CCDC57: variants seen among roughly 807,000 people sequenced by gnomAD.
CCDC57 encodes coiled-coil domain containing 57.
In CCDC57, 118 loss-of-function variants were observed where a neutral mutation model predicts 118.9. The observed-to-expected ratio is 0.99, with a 90% confidence interval of 0.86 to 1.16. The LOEUF (loss-of-function observed/expected upper bound fraction) is 1.16, where lower values mean the gene tolerates loss of function less well. Among genes scored for constraint, CCDC57 ranks in the 50% most tolerant of loss-of-function variants. The probability of loss-of-function intolerance (pLI) is 0.00; values close to 1 mark genes in which losing one functional copy is unlikely to be tolerated. For missense variants in CCDC57, 1,300 were observed against 1,320.7 expected (o/e 0.98, Z 0.24); for synonymous variants, 527 against 532.9 (o/e 0.99, Z 0.15).
intron 19 of CCDC57, chr17:82,126,707 G>A (rs1389619753): frequency 2.0e-6 from 2 of 985,330 alleles, no homozygotes; most frequent in East Asian, 2.3e-4. Context: ...TGGCACGCGG[G>A]CAGCCTTGAC....
At chr17:82,193,588 A>C (rs1023718945) in intron 7 of CCDC57, among the ~76,000 whole-genome samples, 168 bp downstream of exon 6, 6 of 151,860 alleles carry the variant, frequency 4.0e-5, no homozygotes, top group African/African-American at 9.7e-5. Flanking sequence ...AGCAAGCAAG[A>C]AAGAAAGGAA....
chr17:82,101,784 G>A, exon 20 of CCDC57: 1 of 1,608,610 alleles, frequency 6.2e-7, no homozygotes, highest in Non-Finnish European at 8.5e-7. Context: ...CCTTTGCCTG[G>A]GCTGCTGTCT....
chr17:82,145,542 CA>C (rs1295708627), intron 16 of CCDC57, among the ~76,000 whole-genome samples: 36 of 143,944 alleles, frequency 2.5e-4, no homozygotes, highest in Admixed American at 4.1e-4. Context: ...GATTCTGTCT[CA>C]AAAAAAAAAA....
At chr17:82,101,910 G>A in intron 19 of CCDC57, 44 bp from the exon 19 acceptor site, 2 of 1,506,704 alleles carry the variant, frequency 1.3e-6, no homozygotes, top group Non-Finnish European at 1.8e-6. Context: ...AGGATGGCAG[G>A]GGGAGCAGGA....
At position 82,212,445 on chromosome 17, in the gene CCDC57, G is replaced by GGC. The variant is rs2050238890; in HGVS notation, c.-211+338_-211+339dup. 6.8e-6 allele frequency among the ~76,000 whole-genome samples: 1 copy of GGC among 146,928 alleles called. No individual in the cohort carries two copies. Among genetic ancestry groups the GGC allele is most frequent in the African/African-American group, 2.5e-5 (1 of 39,652 alleles). On this transcript the variant is annotated intron_variant, in intron 1 of 19. Transcript: ENST00000665763. The surrounding 1 kb of genome is among the most constrained non-coding windows in gnomAD (Gnocchi z 4.1). ...CTCACAGACACTGTAAGGCTGCCTG[G>GGC]GCGCGGAGCCGTCCTTGCCGGCGGC...
At position 82,127,676 on chromosome 17, in the gene CCDC57, G is replaced by C. The variant is rs1306955049; in HGVS notation, c.2899+16C>G. On this transcript the variant is annotated intron_variant, in intron 19 of 19. Transcript: ENST00000665763. ...CTGCCAGCTGTGGGCAGCTCCTGGG[G>C]AGGGCAGTCTCCTACCTGGAGTTGA... 5 of 1,583,884 alleles carry C rather than the reference G, an allele frequency of 3.2e-6. No homozygotes were observed. Among genetic ancestry groups the C allele is most frequent in the Non-Finnish European group, 4.3e-6 (5 of 1,165,180 alleles).
At chr17:82,132,763 T>TTTC (rs1358759647) in intron 17 of CCDC57, among the ~76,000 whole-genome samples, 2 of 146,948 alleles carry the variant, frequency 1.4e-5, no homozygotes, top group East Asian at 4.0e-4. Context: ...ACCTTGCTTT[T>TTTC]TTTTTTTTTT....
intron 7 of CCDC57, among the ~76,000 whole-genome samples, chr17:82,191,431 T>C (rs1383211871): frequency 6.6e-6 from 1 of 152,128 alleles, no homozygotes; most frequent in East Asian, 1.9e-4. Flanking sequence ...ATTGGCACCA[T>C]ATAGAAACAT....
exon 18 of CCDC57, chr17:82,128,513 C>T (rs7406163): frequency 0.55 from 853,786 of 1,558,358 alleles, 242,553 homozygotes; most frequent in Non-Finnish European, 0.59. Flanking sequence ...TGCAGGGCGT[C>T]AAGTCTGCTG....
chr17:82,165,487 C>CA lies in CCDC57; in HGVS notation c.1883-2131dup, dbSNP rs752915189. 7.2e-4 allele frequency among the ~76,000 whole-genome samples: 95 copies of CA among 132,292 alleles called. 1 individual carries two copies. Among genetic ancestry groups the CA allele is most frequent in the Admixed American group, 1.5e-3 (19 of 13,098 alleles). 86.8% of individuals were successfully genotyped at this position (132,292 alleles called of 152,430 possible). ...GGCAGCCACAACCCAGAGCTCAGACCAAAAAAAAAAAAGGCCGAAGAGAAG... is the reference window on the plus strand; with the variant it reads ...GGCAGCCACAACCCAGAGCTCAGACCAAAAAAAAAAAAAGGCCGAAGAGAAG... On this transcript the variant is annotated intron_variant, in intron 13 of 19. Coordinates refer to ENST00000665763, the Ensembl canonical transcript of CCDC57.
chr17:82,119,211 T>C (rs924316644), intron 19 of CCDC57, among the ~76,000 whole-genome samples: 1 of 151,924 alleles, frequency 6.6e-6, no homozygotes, highest in African/African-American at 2.4e-5. Context: ...ACTGCTGCCT[T>C]TGTATATTTA....
chr17:82,199,017 G>A (rs113314778), intron 3 of CCDC57, among the ~76,000 whole-genome samples: 4 of 144,808 alleles, frequency 2.8e-5, no homozygotes, highest in East Asian at 2.1e-4. Context: ...AAAGAAAAAG[G>A]AAAAAAAAGA....
chr17:82,149,493 C>G (rs1478225305), intron 16 of CCDC57, among the ~76,000 whole-genome samples: 1 of 152,110 alleles, frequency 6.6e-6, no homozygotes, highest in Non-Finnish European at 1.5e-5. Flanking sequence ...CTGCGGCCAT[C>G]TTCGCTGCTC....
intron 8 of CCDC57, 100 bp from the exon 8 acceptor site, chr17:82,184,032 CACACACACA>C: frequency 4.8e-6 from 1 of 208,670 alleles, no homozygotes; most frequent in Non-Finnish European, 9.2e-6. Context: ...CGCGCGCGCG[CACACACACA>C]CACACACACA....
chr17:82,210,432 G>C (rs936848130), intron 1 of CCDC57, among the ~76,000 whole-genome samples: 1 of 151,954 alleles, frequency 6.6e-6, no homozygotes, highest in Non-Finnish European at 1.5e-5. Flanking sequence ...AGCACTTTCG[G>C]AGGCCAAGGC....
chr17:82,194,354 A>G (rs949358196), intron 5 of CCDC57: 4 of 489,988 alleles, frequency 8.2e-6, no homozygotes, highest in Non-Finnish European at 1.4e-5. Context: ...TCTGTTGCCC[A>G]GGCTGGAGTG....
chr17:82,126,240 A>G, intron 19 of CCDC57: 3 of 363,482 alleles, frequency 8.3e-6, no homozygotes, highest in Non-Finnish European at 1.1e-5. Flanking sequence ...AGATTGCGCC[A>G]TTGCACTCCA....
At chr17:82,191,613 G>C (rs928366608) in intron 7 of CCDC57, among the ~76,000 whole-genome samples, 1 of 152,108 alleles carries the variant, frequency 6.6e-6, no homozygotes, top group Non-Finnish European at 1.5e-5. Flanking sequence ...TGAAGATGAT[G>C]AGGATGAAGA....
At chr17:82,167,630 C>T (rs556771882) in intron 13 of CCDC57, among the ~76,000 whole-genome samples, 3 of 152,162 alleles carry the variant, frequency 2.0e-5, no homozygotes, top group South Asian at 4.1e-4. Flanking sequence ...GGATTGCAGG[C>T]ACCCGCAACC....
Sources: allele counts gnomAD v4.1 joint callset (sites outside exome capture counted in the v4.1 genomes callset), GRCh38; gene constraint gnomAD v4.1.1; non-coding constraint Gnocchi (gnomAD v3.1); transcripts MANE v1.5; gene names NCBI Gene and HGNC (gene_info 2026-07-23, HGNC 2026-07-21).